CACNB2: variants seen among roughly 807,000 people sequenced by gnomAD.
CACNB2 encodes the protein voltage-dependent L-type calcium channel subunit beta-2.
CACNB2 carries 42 observed loss-of-function variants against 73.3 expected under a neutral mutation model. The ratio of observed to expected loss-of-function variants is 0.57; its 90% confidence interval spans 0.45 to 0.74. CACNB2 has a LOEUF of 0.74. Among genes scored for constraint, CACNB2 ranks in the 30% least tolerant of loss-of-function variants. CACNB2 has a pLI of 0.00. For missense variants in CACNB2, 940 were observed against 853.0 expected, an observed-to-expected ratio of 1.10 and a Z score of -1.27; for synonymous variants, 348 against 310.3, an observed-to-expected ratio of 1.12 and a Z score of -1.28.
intron 2 of CACNB2, among the ~76,000 whole-genome samples, chr10:18,169,771 T>C (rs1185387482): frequency 6.6e-6 from 1 of 152,202 alleles, no homozygotes; most frequent in Non-Finnish European, 1.5e-5. Flanking sequence ...AATTTCCCTA[T>C]GCTGATCGTC....
intron 6 of CACNB2, among the ~76,000 whole-genome samples, chr10:18,509,657 G>A (rs1452116525): frequency 6.6e-6 from 1 of 152,074 alleles, no homozygotes; most frequent in African/African-American, 2.4e-5. Context: ...GGGTATGGTG[G>A]TGTGCACCTA....
At chr10:18,410,056 T>C (rs2044531058) in intron 3 of CACNB2, among the ~76,000 whole-genome samples, 1 of 152,144 alleles carries the variant, frequency 6.6e-6, no homozygotes, top group South Asian at 2.1e-4. Context: ...GCCCCAGCCA[T>C]ACTTCATCCT....
chr10:18,154,919 T>G (rs2031919684), intron 2 of CACNB2, among the ~76,000 whole-genome samples: 1 of 152,226 alleles, frequency 6.6e-6, no homozygotes, highest in Admixed American at 6.5e-5. Flanking sequence ...ACCTTGGGCT[T>G]TTAGTTTCCA....
rs2050155648 is a variant in CACNB2, at chr10:18,500,845, G to C, written c.490G>C (p.Val164Leu). Residue 164 changes from valine to leucine, a missense_variant, in exon 5 of 14, where the codon GTA becomes CTA. Physicochemically the swap from Val to Leu is conservative, Grantham distance 32 (BLOSUM62 1). Coordinates refer to ENST00000324631, the MANE Select transcript of CACNB2 (RefSeq NM_201596.3). ...FNNDWWIGRL[V>L]KEGCEIGFIP... is the part of the protein sequence containing the mutation. ...CAATGACTGGTGGATAGGGCGATTG[G>C]TAAAAGAAGGCTGTGAAATCGGATT... is the stretch of plus-strand genomic sequence containing the variant. The C allele has an allele frequency of 6.2e-7, 1 of 1,613,858 alleles. No homozygotes were observed. The highest frequency in any genetic ancestry group is 8.5e-7 in the Non-Finnish European group (1 of 1,179,900).
At chr10:18,159,324 T>C (rs1490327720) in intron 2 of CACNB2, among the ~76,000 whole-genome samples, 1 of 152,230 alleles carries the variant, frequency 6.6e-6, no homozygotes, top group African/African-American at 2.4e-5. Flanking sequence ...CGTTGCACAC[T>C]TGTGTCCTTT....
intron 2 of CACNB2, among the ~76,000 whole-genome samples, chr10:18,164,322 G>A (rs2032689586): frequency 1.3e-5 from 2 of 152,162 alleles, no homozygotes; most frequent in Non-Finnish European, 2.9e-5. Flanking sequence ...GTGGTCATTA[G>A]TGGTCATATA....
At chr10:18,158,343 T>C (rs945495872) in intron 2 of CACNB2, among the ~76,000 whole-genome samples, 1 of 152,194 alleles carries the variant, frequency 6.6e-6, no homozygotes, top group Non-Finnish European at 1.5e-5. Context: ...GAGAACAAAG[T>C]GTTAAACATA....
chr10:18,377,447 C>G (rs2042846041), intron 2 of CACNB2, among the ~76,000 whole-genome samples: 1 of 152,208 alleles, frequency 6.6e-6, no homozygotes, highest in Non-Finnish European at 1.5e-5. Flanking sequence ...GCCATAAGAT[C>G]TGTGTTGCAA....
chr10:18,200,421 G>A (rs184640526), intron 2 of CACNB2, among the ~76,000 whole-genome samples: 5 of 151,934 alleles, frequency 3.3e-5, no homozygotes, highest in Admixed American at 3.3e-4. Flanking sequence ...ATTGGAATAT[G>A]GCTCCTTTCC....
intron 2 of CACNB2, among the ~76,000 whole-genome samples, chr10:18,237,996 G>C (rs148210621): frequency 3.9e-4 from 59 of 152,290 alleles, no homozygotes; most frequent in African/African-American, 1.3e-3. Context: ...CTCTCTCTCT[G>C]TAGCGTGGAG....
At chr10:18,446,274 GTGAT>G (rs564190918) in intron 3 of CACNB2, among the ~76,000 whole-genome samples, 18 of 152,336 alleles carry the variant, frequency 1.2e-4, no homozygotes, top group African/African-American at 4.1e-4. Context: ...TATTTTCTGT[GTGAT>G]TGACTATTTT....
intron 3 of CACNB2, among the ~76,000 whole-genome samples, chr10:18,403,939 A>G (rs907566959): frequency 6.6e-6 from 1 of 151,938 alleles, no homozygotes; most frequent in East Asian, 1.9e-4. Context: ...ACTAAAGTCA[A>G]TAATAACTTA....
At chr10:18,305,243 A>G (rs1322052030) in intron 2 of CACNB2, among the ~76,000 whole-genome samples, 1 of 152,244 alleles carries the variant, frequency 6.6e-6, no homozygotes, top group Non-Finnish European at 1.5e-5. Context: ...TTTGGAATTT[A>G]AAGCTTACAT....
chr10:18,166,284 C>T (rs1349575779), intron 2 of CACNB2, among the ~76,000 whole-genome samples: 3 of 151,830 alleles, frequency 2.0e-5, no homozygotes. Flanking sequence ...TTGAGACAGA[C>T]TGTAGTTCTA....
intron 1 of CACNB2, among the ~76,000 whole-genome samples, chr10:18,142,721 A>T (rs539362455): frequency 2.0e-5 from 3 of 152,368 alleles, no homozygotes; most frequent in South Asian, 4.1e-4. Context: ...TTTATGTACA[A>T]TGATTAAATG....
chr10:18,334,063 A>G (rs556235871), intron 2 of CACNB2, among the ~76,000 whole-genome samples: 16 of 152,336 alleles, frequency 1.1e-4, no homozygotes, highest in Admixed American at 8.5e-4. Context: ...GCAGACTACA[A>G]ATAAATCAAC....
At chr10:18,391,522 A>T (rs1652301689) in intron 2 of CACNB2, among the ~76,000 whole-genome samples, 1 of 152,118 alleles carries the variant, frequency 6.6e-6, no homozygotes, top group Admixed American at 6.6e-5. Context: ...GGCACTTGGG[A>T]TATAGGAGTA....
intron 2 of CACNB2, among the ~76,000 whole-genome samples, chr10:18,162,808 G>C (rs896693647): frequency 6.6e-6 from 1 of 152,210 alleles, no homozygotes; most frequent in Admixed American, 6.5e-5. Flanking sequence ...AGAAAGCCCT[G>C]TGTGAGCCGA....
chr10:18,418,756 C>G (rs2045148802), intron 3 of CACNB2, among the ~76,000 whole-genome samples: 1 of 152,208 alleles, frequency 6.6e-6, no homozygotes, highest in Admixed American at 6.5e-5. Context: ...CACAGGGCAT[C>G]AGGGCGTCAG....
Sources: allele counts gnomAD v4.1 joint callset (sites outside exome capture counted in the v4.1 genomes callset), GRCh38; gene constraint gnomAD v4.1.1; transcripts MANE v1.5; gene names NCBI Gene and HGNC (gene_info 2026-07-23, HGNC 2026-07-21).